The following DTNB variants were observed in gnomAD, a reference collection of about 807,000 sequenced individuals.
DTNB encodes dystrobrevin beta.
A neutral mutation model predicts 90.7 loss-of-function variants in DTNB; 63 were observed. That is an observed-to-expected ratio of 0.69 (90% CI 0.57 to 0.86). The LOEUF (loss-of-function observed/expected upper bound fraction) is 0.86. DTNB is among the 40% of genes least tolerant of loss of function. The probability of loss-of-function intolerance (pLI) is 0.00; values close to 1 mark genes in which losing one functional copy is unlikely to be tolerated. For synonymous variants in DTNB, 277 were observed against 286.7 expected (o/e 0.97, Z 0.34); for missense variants, 744 against 807.1 (o/e 0.92, Z 0.95).
intron 9 of DTNB, among the ~76,000 whole-genome samples, chr2:25,508,895 T>C (rs2073233485): frequency 6.6e-6 from 1 of 152,232 alleles, no homozygotes; most frequent in African/African-American, 2.4e-5. Flanking sequence ...CATATTTCAT[T>C]ATATGTATTC....
At chr2:25,411,091 G>A (rs2046478150) in intron 16 of DTNB, among the ~76,000 whole-genome samples, 1 of 152,210 alleles carries the variant, frequency 6.6e-6, no homozygotes, top group South Asian at 2.1e-4. Context: ...GGGCGCGGTG[G>A]CTCATGGCTG....
At chr2:25,664,419 A>G (rs11684087) in intron 1 of DTNB, among the ~76,000 whole-genome samples, 67,405 of 152,076 alleles carry the variant, frequency 0.44, 16,231 homozygotes, top group East Asian at 0.77. Context: ...ATATGATCTG[A>G]AAGACCACTA....
chr2:25,472,720 C>T (rs942138530), intron 10 of DTNB, among the ~76,000 whole-genome samples: 3 of 152,238 alleles, frequency 2.0e-5, no homozygotes, highest in East Asian at 3.9e-4. Context: ...CCCATCTCTA[C>T]TAAAAATAGA....
intron 3 of DTNB, among the ~76,000 whole-genome samples, chr2:25,632,198 A>G (rs910384737): frequency 6.6e-6 from 1 of 151,046 alleles, no homozygotes; most frequent in African/African-American, 2.4e-5. Flanking sequence ...GTCTCAAAAA[A>G]AAAAAAAAAA....
chr2:25,578,318 T>A (rs1345703381), intron 7 of DTNB, among the ~76,000 whole-genome samples: 3 of 152,258 alleles, frequency 2.0e-5, no homozygotes, highest in Non-Finnish European at 4.4e-5. Flanking sequence ...TTCTATGGAA[T>A]GCTGGAAATG....
At chr2:25,655,186 T>G (rs538860584) in intron 1 of DTNB, among the ~76,000 whole-genome samples, 1 of 152,328 alleles carries the variant, frequency 6.6e-6, no homozygotes, top group Non-Finnish European at 1.5e-5. Flanking sequence ...TTACAAAGAT[T>G]GAATTCACAG....
chr2:25,408,059 A>G (rs897869690), intron 16 of DTNB, among the ~76,000 whole-genome samples: 6 of 152,068 alleles, frequency 3.9e-5, no homozygotes, highest in African/African-American at 1.4e-4. Flanking sequence ...TAATCCCAGC[A>G]CTTTGGGAGG....
chr2:25,591,476 T>C (rs1185206089), intron 6 of DTNB, among the ~76,000 whole-genome samples: 1 of 152,206 alleles, frequency 6.6e-6, no homozygotes, highest in Non-Finnish European at 1.5e-5. Context: ...AGCATCTCCT[T>C]TCTAAGGAGA....
chr2:25,463,295 C>T (rs2061292097), intron 10 of DTNB, among the ~76,000 whole-genome samples: 1 of 152,162 alleles, frequency 6.6e-6, no homozygotes, highest in African/African-American at 2.4e-5. Context: ...CTCTCTTTTC[C>T]TTGAACACAC....
At chr2:25,430,541 G>T (rs1413001629) in intron 14 of DTNB, among the ~76,000 whole-genome samples, 2 of 151,936 alleles carry the variant, frequency 1.3e-5, no homozygotes, top group African/African-American at 4.8e-5. Context: ...GGGGTGGAGA[G>T]GGAAGTCCTC....
chr2:25,516,282 T>C (rs2075098784), intron 9 of DTNB, among the ~76,000 whole-genome samples: 1 of 152,150 alleles, frequency 6.6e-6, no homozygotes, highest in Admixed American at 6.5e-5. Context: ...GGTTTCACTC[T>C]GTCATCCAGG....
At chr2:25,415,540 G>A (rs558349141) in intron 16 of DTNB, among the ~76,000 whole-genome samples, 261 of 152,186 alleles carry the variant, frequency 1.7e-3, no homozygotes, top group Admixed American at 3.7e-3. Context: ...ACCGGGCTTC[G>A]GGAATCTTGG....
chr2:25,383,210 G>T (rs1209642602), intron 19 of DTNB, among the ~76,000 whole-genome samples: 8 of 133,190 alleles, frequency 6.0e-5, no homozygotes, highest in East Asian at 2.0e-4. Context: ...TTGCATTTTT[G>T]GTCTTTTTTT....
intron 10 of DTNB, among the ~76,000 whole-genome samples, chr2:25,480,557 T>A (rs747699482): frequency 2.4e-4 from 36 of 152,122 alleles, no homozygotes; most frequent in Non-Finnish European, 3.4e-4. Context: ...ACTGCTCCCT[T>A]CTTTTAGTTT....
At chr2:25,468,026 G>A (rs1034283793) in intron 10 of DTNB, among the ~76,000 whole-genome samples, 13 of 152,116 alleles carry the variant, frequency 8.5e-5, no homozygotes, top group African/African-American at 3.1e-4. Context: ...GCTGGGAAGT[G>A]TTCTGAGGTC....
chr2:25,389,787 G>A (rs1415065612), intron 16 of DTNB, among the ~76,000 whole-genome samples: 5 of 151,986 alleles, frequency 3.3e-5, no homozygotes, highest in South Asian at 2.1e-4. Context: ...TGCTTCAACC[G>A]TGTGGCCACC....
At chr2:25,477,018 A>G (rs1398824872) in intron 10 of DTNB, among the ~76,000 whole-genome samples, 1 of 152,220 alleles carries the variant, frequency 6.6e-6, no homozygotes, top group Non-Finnish European at 1.5e-5. Context: ...TGCTACAGCT[A>G]TCCCAGTCTT....
chr2:25,596,343 A>C, intron 5 of DTNB, 103 bp from the exon 6 acceptor site: 1 of 1,292,212 alleles, frequency 7.7e-7, no homozygotes, highest in East Asian at 2.6e-5. Context: ...TCATTAAAAA[A>C]GTATCATAAA....
chr2:25,536,747 G>C (rs1012801166), intron 8 of DTNB, among the ~76,000 whole-genome samples: 2 of 152,138 alleles, frequency 1.3e-5, no homozygotes, highest in Non-Finnish European at 2.9e-5. Context: ...GGAGACGGGA[G>C]AGGGGAGAGG....
Sources: allele counts gnomAD v4.1 joint callset (sites outside exome capture counted in the v4.1 genomes callset), GRCh38; gene constraint gnomAD v4.1.1; transcripts MANE v1.5; gene names NCBI Gene and HGNC (gene_info 2026-07-23, HGNC 2026-07-21).